The following COPG2 variants were observed in gnomAD, a reference collection of about 807,000 sequenced individuals.
The protein encoded by COPG2 is coat protein complex I subunit gamma 2.
In COPG2, 37 loss-of-function variants were observed where a neutral mutation model predicts 46.3. The observed-to-expected ratio is 0.80, with a 90% confidence interval of 0.61 to 1.05. The LOEUF (loss-of-function observed/expected upper bound fraction) is 1.05, where lower values mean the gene tolerates loss of function less well. Among genes scored for constraint, COPG2 ranks in the 50% least tolerant of loss-of-function variants. COPG2 has a pLI of 0.00. For synonymous variants in COPG2, 159 were observed against 129.7 expected, an observed-to-expected ratio of 1.23 and a Z score of -1.53; for missense variants, 427 against 387.8, an observed-to-expected ratio of 1.10 and a Z score of -0.85.
chr7:130,604,398 T>A (rs1554450906), intron 9 of COPG2, among the ~76,000 whole-genome samples: 1 of 152,244 alleles, frequency 6.6e-6, no homozygotes, highest in Non-Finnish European at 1.5e-5. Flanking sequence ...TGTGTAGAGA[T>A]ATACACAAAT....
At chr7:130,591,641 T>G (rs1386359600) in intron 9 of COPG2, among the ~76,000 whole-genome samples, 269 of 61,956 alleles carry the variant, frequency 4.3e-3, no homozygotes, top group South Asian at 6.1e-3. Flanking sequence ...CCCCGTCCGG[T>G]TGGTGAGGGG....
At chr7:130,572,853 A>G (rs1174679836) in intron 9 of COPG2, among the ~76,000 whole-genome samples, 1 of 151,990 alleles carries the variant, frequency 6.6e-6, no homozygotes, top group Non-Finnish European at 1.5e-5. Context: ...AATAAATATT[A>G]GAGCACAGGT....
intron 20 of COPG2, chr7:130,508,990 A>G (rs1799550506): frequency 2.1e-6 from 1 of 469,624 alleles, no homozygotes; most frequent in Non-Finnish European, 4.1e-6. Flanking sequence ...AAATGTTGAA[A>G]AATAAATATT....
At chr7:130,660,581 C>T (rs1795958187) in intron 4 of COPG2, among the ~76,000 whole-genome samples, 2 of 152,126 alleles carry the variant, frequency 1.3e-5, no homozygotes, top group Non-Finnish European at 2.9e-5. Flanking sequence ...GGTCACTTCC[C>T]TTATTTTTAA....
At chr7:130,527,551 GA>G (rs1799785708) in intron 20 of COPG2, among the ~76,000 whole-genome samples, 1 of 151,848 alleles carries the variant, frequency 6.6e-6, no homozygotes, top group African/African-American at 2.4e-5. Context: ...GTTCAGCTCA[GA>G]AAAAGTAAGG....
At chr7:130,508,353 T>C in intron 21 of COPG2, 1 of 444,944 alleles carries the variant, frequency 2.2e-6, no homozygotes, top group South Asian at 5.8e-5. Flanking sequence ...GTTTTAATGA[T>C]GAAGTGGTAA....
chr7:130,618,177 T>C (rs537895556), intron 5 of COPG2, among the ~76,000 whole-genome samples: 1 of 151,758 alleles, frequency 6.6e-6, no homozygotes, highest in Admixed American at 6.6e-5. Context: ...CATTTTTCCC[T>C]GATGCACTCT....
intron 4 of COPG2, among the ~76,000 whole-genome samples, chr7:130,655,764 T>TCTG (rs1795837830): frequency 6.6e-6 from 1 of 152,332 alleles, no homozygotes; most frequent in African/African-American, 2.4e-5. Flanking sequence ...CAGATCACAG[T>TCTG]CCTGGGATGC....
intron 20 of COPG2, among the ~76,000 whole-genome samples, chr7:130,515,491 T>C (rs990926540): frequency 7.0e-4 from 106 of 152,280 alleles, no homozygotes; most frequent in African/African-American, 2.6e-3. Context: ...GGGATGACAG[T>C]TCGACATGAG....
chr7:130,553,846 TCA>T (rs1202127408), intron 14 of COPG2, among the ~76,000 whole-genome samples: 1 of 152,216 alleles, frequency 6.6e-6, no homozygotes, highest in Non-Finnish European at 1.5e-5. Context: ...CACGAAGTGT[TCA>T]GTCAATAGCA....
At chr7:130,532,092 A>G (rs1028274635) in intron 20 of COPG2, among the ~76,000 whole-genome samples, 9 of 152,206 alleles carry the variant, frequency 5.9e-5, no homozygotes, top group South Asian at 2.1e-4. Context: ...GCAGACATGT[A>G]GAGTGAGAGG....
In COPG2 at chr7:130,564,241, C is replaced by T; in HGVS notation, c.871+19G>A. ...AAAACTTAGGAACATAAAAGCCAGC[C>T]ATCAAATATAAAACAAACCTGAAAC... On this transcript the variant is annotated intron_variant, in intron 10 of 23. Coordinates refer to ENST00000425248, the MANE Select transcript of COPG2 (RefSeq NM_012133.6). 1 of 398,492 alleles carries T rather than the reference C, an allele frequency of 2.5e-6. No homozygotes were observed. The highest frequency in any genetic ancestry group is 4.4e-5 in the Admixed American group (1 of 22,728). The allele number at this position is 398,492 out of a possible 1,614,324, so 24.7% of individuals were successfully genotyped here.
At chr7:130,653,782 AC>A (rs1173169527) in intron 4 of COPG2, among the ~76,000 whole-genome samples, 3 of 152,158 alleles carry the variant, frequency 2.0e-5, no homozygotes, top group Non-Finnish European at 4.4e-5. Flanking sequence ...TATGGAGAAA[AC>A]CTTGATACTA....
chr7:130,528,172 G>T (rs986118142), intron 20 of COPG2, among the ~76,000 whole-genome samples: 1 of 152,066 alleles, frequency 6.6e-6, no homozygotes, highest in Non-Finnish European at 1.5e-5. Context: ...GACTGGGTGC[G>T]TTTGTACCCG....
chr7:130,616,400 A>G (rs189570063), intron 6 of COPG2, among the ~76,000 whole-genome samples: 2 of 152,274 alleles, frequency 1.3e-5, no homozygotes, highest in Admixed American at 1.3e-4. Context: ...ACACAGAAGA[A>G]TAAAGTTTTC....
chr7:130,525,285 T>G (rs1024111473), intron 20 of COPG2, among the ~76,000 whole-genome samples: 159 of 152,300 alleles, frequency 1.0e-3, no homozygotes, highest in African/African-American at 3.7e-3. Context: ...ACTGGGGCAC[T>G]GACAGATCTC....
Position 130,578,149 on chromosome 7 carries a change from C to G in COPG2, c.738-13756G>C, listed in dbSNP as rs1336813330. 2.7e-5 allele frequency among the ~76,000 whole-genome samples: 4 copies of G among 150,604 alleles called. No individual in the cohort carries two copies. The East Asian group carries it at 7.9e-4, about 30-fold the overall frequency. ...GTTCTCCCAGCACGCAGCTGGAGATCTGAGAACGGGCAGACTGCCTCCTCA... is the reference window on the plus strand; with the variant it reads ...GTTCTCCCAGCACGCAGCTGGAGATGTGAGAACGGGCAGACTGCCTCCTCA... On this transcript the variant is annotated intron_variant, in intron 9 of 23. Coordinates refer to ENST00000425248, the MANE Select transcript of COPG2 (RefSeq NM_012133.6).
intron 9 of COPG2, among the ~76,000 whole-genome samples, chr7:130,582,801 C>A (rs1391545674): frequency 2.7e-5 from 4 of 150,406 alleles, no homozygotes; most frequent in Admixed American, 6.6e-5. Context: ...CAATGAGATA[C>A]CATCTCACAA....
intron 20 of COPG2, among the ~76,000 whole-genome samples, chr7:130,512,462 TAA>T (rs1253656469): frequency 6.6e-6 from 1 of 151,380 alleles, no homozygotes; most frequent in Non-Finnish European, 1.5e-5. Flanking sequence ...AAGAGTGAAG[TAA>T]AAAAGTCTAT....
Sources: gnomAD v4.1 joint callset for allele counts (sites outside exome capture counted in the v4.1 genomes callset) on GRCh38, gnomAD v4.1.1 for gene constraint, MANE v1.5 for transcripts, NCBI Gene and HGNC (gene_info 2026-07-23, HGNC 2026-07-21) for gene names.